The following CCDC102B variants were observed in gnomAD, a reference collection of about 807,000 sequenced individuals.
CCDC102B encodes the protein coiled-coil domain-containing protein 102B.
A neutral mutation model predicts 57.4 loss-of-function variants in CCDC102B; 75 were observed. The ratio of observed to expected loss-of-function variants is 1.31; its 90% CI spans 1.08 to 1.58. The LOEUF is 1.58. Ranked by LOEUF, CCDC102B falls within the 40% of genes most tolerant of loss-of-function variation. The probability of loss-of-function intolerance (pLI) is 0.00; values close to 1 mark genes in which losing one functional copy is unlikely to be tolerated. For missense variants in CCDC102B, 636 were observed against 582.6 expected (o/e 1.09, Z -0.94); for synonymous variants, 206 against 201.9 (o/e 1.02, Z -0.17).
chr18:68,923,828 GCATT>G, intron 6 of CCDC102B, among the ~76,000 whole-genome samples: 1 of 152,032 alleles, frequency 6.6e-6, no homozygotes, highest in Non-Finnish European at 1.5e-5. Flanking sequence ...TGGTTAGCCT[GCATT>G]TGCAGCTAAG....
chr18:68,901,188 T>C (rs2145033680), intron 6 of CCDC102B, among the ~76,000 whole-genome samples: 1 of 152,290 alleles, frequency 6.6e-6, no homozygotes, highest in East Asian at 1.9e-4. Context: ...TGTGCGTGTG[T>C]GATAAGTCTA....
chr18:68,836,489 G>A (rs576696645), intron 1 of CCDC102B, among the ~76,000 whole-genome samples: 60 of 152,036 alleles, frequency 3.9e-4, no homozygotes, highest in Non-Finnish European at 7.4e-4. Context: ...TTATCTGGGC[G>A]TGGTTGCGCA....
At chr18:68,894,324 A>T (rs1232240764) in intron 5 of CCDC102B, among the ~76,000 whole-genome samples, 1 of 152,088 alleles carries the variant, frequency 6.6e-6, no homozygotes, top group African/African-American at 2.4e-5. Context: ...TGTACAAAGA[A>T]TGTACTTTTA....
chr18:68,903,372 G>T (rs528322789), intron 6 of CCDC102B, among the ~76,000 whole-genome samples: 21 of 152,120 alleles, frequency 1.4e-4, no homozygotes, highest in Middle Eastern at 3.4e-3. Flanking sequence ...TGAAAAGTGG[G>T]GTCTGTGCTC....
At chr18:69,004,578 A>G (rs1205545193) in intron 6 of CCDC102B, among the ~76,000 whole-genome samples, 1 of 152,130 alleles carries the variant, frequency 6.6e-6, no homozygotes. Flanking sequence ...ACAGGGCAGA[A>G]ACTTCCTGTC....
intron 6 of CCDC102B, among the ~76,000 whole-genome samples, chr18:68,972,843 C>A (rs914461330): frequency 1.1e-4 from 16 of 151,952 alleles, no homozygotes; most frequent in Non-Finnish European, 8.8e-5. Context: ...TTGTTTTAGA[C>A]GCCGGTCAAA....
rs762871870 is a variant in CCDC102B, at chr18:68,846,308, T to C, written c.828-5T>C. ...TTTTTTTCTTTTAATTCTTAAATTA[T>C]TTAGAATGCGCACAGCTTTGGAAAA... On this transcript the variant is annotated splice_region_variant and splice_polypyrimidine_tract_variant and intron_variant, in intron 3 of 7. Coordinates refer to ENST00000360242, the MANE Select transcript of CCDC102B (RefSeq NM_024781.3). 9 of 1,476,892 alleles carry C rather than the reference T, an allele frequency of 6.1e-6. No individual in the cohort carries two copies. The African/African-American group carries it at 1.2e-4, about 19-fold the overall frequency. 91.5% of individuals were successfully genotyped at this position (1,476,892 alleles called of 1,614,324 possible).
At chr18:68,843,284 G>C (rs1297043630) in intron 3 of CCDC102B, among the ~76,000 whole-genome samples, 2 of 152,094 alleles carry the variant, frequency 1.3e-5, no homozygotes, top group Non-Finnish European at 2.9e-5. Context: ...GTTATTACAA[G>C]ATAATCATTT....
At chr18:68,727,883 C>A (rs2032671124) in intron 2 of CCDC102B, among the ~76,000 whole-genome samples, 1 of 152,204 alleles carries the variant, frequency 6.6e-6, no homozygotes, top group Non-Finnish European at 1.5e-5. Flanking sequence ...GACTCTTGGA[C>A]TGTTTTTAAT....
At chr18:68,977,805 A>T (rs912608780) in intron 6 of CCDC102B, among the ~76,000 whole-genome samples, 6 of 152,030 alleles carry the variant, frequency 3.9e-5, no homozygotes, top group Non-Finnish European at 5.9e-5. Context: ...TTCAGCATGA[A>T]CATTGAAGGA....
intron 6 of CCDC102B, among the ~76,000 whole-genome samples, chr18:68,997,398 G>T (rs1289613210): frequency 6.6e-6 from 1 of 152,140 alleles, no homozygotes; most frequent in Non-Finnish European, 1.5e-5. Context: ...TAGGTAAAGT[G>T]AATTTCCCAG....
intron 7 of CCDC102B, among the ~76,000 whole-genome samples, chr18:69,027,866 G>T (rs2052034495): frequency 2.0e-5 from 3 of 152,082 alleles, no homozygotes; most frequent in African/African-American, 7.2e-5. Flanking sequence ...GTGAAATTCT[G>T]AATGAAAGAA....
chr18:68,965,839 C>G (rs1272966947), intron 6 of CCDC102B, among the ~76,000 whole-genome samples: 1 of 152,014 alleles, frequency 6.6e-6, no homozygotes, highest in Admixed American at 6.6e-5. Context: ...TTTTTAAAAG[C>G]TGGATTTTTC....
chr18:69,010,393 G>A (rs891939951), intron 6 of CCDC102B, among the ~76,000 whole-genome samples: 1 of 152,058 alleles, frequency 6.6e-6, no homozygotes, highest in African/African-American at 2.4e-5. Context: ...CTGATTTGCA[G>A]TCTAATCATC....
chr18:68,782,697 C>T (rs562755556), intron 2 of CCDC102B, among the ~76,000 whole-genome samples: 128 of 152,178 alleles, frequency 8.4e-4, no homozygotes, highest in Non-Finnish European at 1.4e-3. Flanking sequence ...CATTGATTAA[C>T]CAAAACTAAA....
intron 6 of CCDC102B, among the ~76,000 whole-genome samples, chr18:68,901,142 C>T (rs2040436117): frequency 6.6e-6 from 1 of 152,150 alleles, no homozygotes; most frequent in Non-Finnish European, 1.5e-5. Flanking sequence ...ATAGCAAAGT[C>T]TTTCCCAATT....
chr18:69,012,269 G>A (rs1033953363), intron 7 of CCDC102B, among the ~76,000 whole-genome samples: 1 of 152,142 alleles, frequency 6.6e-6, no homozygotes, highest in Non-Finnish European at 1.5e-5. Flanking sequence ...AGTATTTGTT[G>A]TAGGGGGTGG....
At position 69,024,665 on chromosome 18, in the gene CCDC102B, T is replaced by C. The variant is rs548985481; in HGVS notation, c.1434+13561T>C. Reference sequence around the variant, plus strand: ...GATAAAAATGAGTAAATAGCTTTCTTGATTAAAGATGAATAAATGTGCCTG... The same window carrying C: ...GATAAAAATGAGTAAATAGCTTTCTCGATTAAAGATGAATAAATGTGCCTG... On this transcript the variant is annotated intron_variant, in intron 7 of 7. Coordinates refer to ENST00000360242, the MANE Select transcript of CCDC102B (RefSeq NM_024781.3). Among the ~76,000 whole-genome samples, 160 of 152,106 alleles carry C rather than the reference T, an allele frequency of 1.1e-3. 2 individuals are homozygous for C. The highest frequency in any genetic ancestry group is 3.1e-4 in the Non-Finnish European group (21 of 67,908).
intron 4 of CCDC102B, 66 bp downstream of exon 4, chr18:68,846,487 C>A: frequency 9.5e-7 from 1 of 1,048,126 alleles, no homozygotes. Context: ...GATATGTAAG[C>A]ATGTGGGCAG....
Sources: gnomAD v4.1 joint callset for allele counts (sites outside exome capture counted in the v4.1 genomes callset) on GRCh38, gnomAD v4.1.1 for gene constraint, MANE v1.5 for transcripts, NCBI Gene and HGNC (gene_info 2026-07-23, HGNC 2026-07-21) for gene names.